Variants in UBXN7 observed in about 807,000 individuals in gnomAD.
The protein encoded by UBXN7 is UBX domain-containing protein 7.
UBXN7 carries 9 observed loss-of-function variants against 58.0 expected under a neutral mutation model. That is an observed-to-expected ratio of 0.16 (90% CI 0.09 to 0.27). The LOEUF (loss-of-function observed/expected upper bound fraction) is 0.27, where lower values mean the gene tolerates loss of function less well. Among genes scored for constraint, UBXN7 ranks in the 10% least tolerant of loss-of-function variants. The pLI, the probability that UBXN7 is intolerant of heterozygous loss-of-function variation, is 1.00. For missense variants in UBXN7, 328 were observed against 599.6 expected (o/e 0.55, Z 4.73); for synonymous variants, 208 against 205.0 (o/e 1.01, Z -0.12).
rs1207538357 is a variant in UBXN7, at chr3:196,355,069, T to C, written c.*1616A>G. ...AACTGTGTACTAGCAACACATGGCA[T>C]CTTTTTTTCTTCTTTTCCCAAATCC... On this transcript the variant is annotated 3_prime_UTR_variant, in exon 11 of 11. Transcript: ENST00000296328. 6.6e-6 allele frequency: 1 copy of C among 152,106 alleles called. No homozygotes were observed. The highest frequency in any genetic ancestry group is 6.6e-5 in the Admixed American group (1 of 15,262). 9.4% of individuals were successfully genotyped at this position (152,106 alleles called of 1,614,324 possible). A position where few individuals can be genotyped will look rare whatever the true frequency, so the allele number is the denominator to read the frequency against.
At chr3:196,429,326 C>CA (rs528881094) in intron 1 of UBXN7, among the ~76,000 whole-genome samples, 1,998 of 98,170 alleles carry the variant, frequency 0.02, 18 homozygotes, top group African/African-American at 0.049. Flanking sequence ...GACTCCGTCT[C>CA]AAAAAAAAAA....
chr3:196,351,967 G>A lies in UBXN7; in HGVS notation c.*4718C>T, dbSNP rs1728226358. On this transcript the variant is annotated 3_prime_UTR_variant, in exon 11 of 11. Transcript: ENST00000296328. ...CGCAAGCTAGGAATCTTTACTCCAG[G>A]GATCAATAATCCTTTCCTACTTGGG... 6.6e-6 allele frequency: 1 copy of A among 152,136 alleles called. No individual in the cohort carries two copies. The highest frequency in any genetic ancestry group is 1.5e-5 in the Non-Finnish European group (1 of 68,028). 9.4% of individuals were successfully genotyped at this position (152,136 alleles called of 1,614,324 possible). A position where few individuals can be genotyped will look rare whatever the true frequency, so the allele number is the denominator to read the frequency against.
rs1046775295 is a variant in UBXN7 at position 196,350,967 on chromosome 3, C to A, written c.*5718G>T. The A allele has an allele frequency of 1.3e-5, 2 of 152,164 alleles. No homozygotes were observed. Among genetic ancestry groups the A allele is most frequent in the Non-Finnish European group, 2.9e-5 (2 of 68,044 alleles). 9.4% of individuals were successfully genotyped at this position (152,164 alleles called of 1,614,324 possible). ...AAGGCTGGTATTACCGGAAAACTGC[C>A]ATGTTCACCAGAAGAGCTGTCTCTT... On this transcript the variant is annotated 3_prime_UTR_variant, in exon 11 of 11. Coordinates refer to ENST00000296328, the MANE Select transcript of UBXN7 (RefSeq NM_015562.2).
chr3:196,388,719 T>C (rs1205428985), intron 5 of UBXN7, among the ~76,000 whole-genome samples: 1 of 152,196 alleles, frequency 6.6e-6, no homozygotes, highest in Admixed American at 6.5e-5. Context: ...AACAAACCTA[T>C]GGGCCCTCCT....
At position 196,349,854 on chromosome 3, in the gene UBXN7, T is replaced by C. The variant is rs1229366295; in HGVS notation, c.*6831A>G. 1 of 152,244 alleles carries C rather than the reference T, an allele frequency of 6.6e-6. No individual in the cohort carries two copies. Among genetic ancestry groups the C allele is most frequent in the East Asian group, 1.9e-4 (1 of 5,206 alleles). The allele number at this position is 152,244 out of a possible 1,614,324, so 9.4% of individuals were successfully genotyped here. ...ATGCTAACCCAGTTAGATTAATAAC[T>C]TCTTTTGATGAGAAAAAATATTACT... On this transcript the variant is annotated 3_prime_UTR_variant, in exon 11 of 11. Coordinates refer to ENST00000296328, the MANE Select transcript of UBXN7 (RefSeq NM_015562.2).
In UBXN7 at chr3:196,349,294, C is replaced by T. The variant is rs544029924; in HGVS notation, c.*7391G>A. On this transcript the variant is annotated 3_prime_UTR_variant, in exon 11 of 11. Coordinates refer to ENST00000296328, the MANE Select transcript of UBXN7 (RefSeq NM_015562.2). The stretch of plus-strand genomic sequence containing the variant: ...CAGCCCCTACTAGAAGCTTGCTACT[C>T]GTTAACTGAAAAGTGGAGGCCACGC... 1.3e-5 allele frequency: 2 copies of T among 152,268 alleles called. No homozygotes were observed. Among genetic ancestry groups the T allele is most frequent in the East Asian group, 1.9e-4 (1 of 5,188 alleles). The allele number at this position is 152,268 out of a possible 1,614,324, so 9.4% of individuals were successfully genotyped here. A position where few individuals can be genotyped will look rare whatever the true frequency, so the allele number is the denominator to read the frequency against.
chr3:196,370,705 T>C (rs949131904), intron 6 of UBXN7, among the ~76,000 whole-genome samples: 2 of 151,796 alleles, frequency 1.3e-5, no homozygotes, highest in Non-Finnish European at 2.9e-5. Context: ...TTTTATTTTC[T>C]ATAACTTTTC....
chr3:196,410,553 G>C (rs1309130527), intron 1 of UBXN7, among the ~76,000 whole-genome samples: 1 of 152,206 alleles, frequency 6.6e-6, no homozygotes, highest in East Asian at 1.9e-4. Flanking sequence ...GCCAGGCACG[G>C]AGGCTCACGC....
intron 1 of UBXN7, among the ~76,000 whole-genome samples, chr3:196,415,367 T>C (rs1469740431): frequency 6.7e-6 from 1 of 150,312 alleles, no homozygotes; most frequent in Non-Finnish European, 1.5e-5. Context: ...TTGGCTAGGA[T>C]GGTCTCGATC....
At chr3:196,400,636 A>G in intron 3 of UBXN7, 1 of 250,830 alleles carries the variant, frequency 4.0e-6, no homozygotes, top group South Asian at 3.5e-5. Flanking sequence ...CACCTATAGA[A>G]GGCTGAGGTG....
In UBXN7 at chr3:196,401,296, T is replaced by TACAC. The variant is rs1335891909; in HGVS notation, c.289+1655_289+1656insGTGT. ...AAAAATATATATATATATATATATA[T>TACAC]ATACACACACACACACACACACACA... On this transcript the variant is annotated intron_variant, in intron 3 of 10. Transcript: ENST00000296328. Among the ~76,000 whole-genome samples the TACAC allele has an allele frequency of 3.2e-3, 244 of 77,336 alleles. 1 individual carries two copies. The highest frequency in any genetic ancestry group is 9.1e-3 in the Middle Eastern group (1 of 110). 50.7% of individuals were successfully genotyped at this position (77,336 alleles called of 152,430 possible).
intron 8 of UBXN7, among the ~76,000 whole-genome samples, chr3:196,365,858 T>C (rs1456181889): frequency 2.6e-5 from 4 of 152,092 alleles, no homozygotes; most frequent in East Asian, 1.9e-4. Flanking sequence ...AAAAAAACTC[T>C]AGGCCCATGT....
At chr3:196,382,284 C>T (rs1729231690) in intron 5 of UBXN7, among the ~76,000 whole-genome samples, 1 of 152,212 alleles carries the variant, frequency 6.6e-6, no homozygotes, top group Admixed American at 6.5e-5. Flanking sequence ...AGACTAACAG[C>T]AGATATCTCT....
At chr3:196,410,689 G>A (rs1036838081) in intron 1 of UBXN7, among the ~76,000 whole-genome samples, 13 of 152,248 alleles carry the variant, frequency 8.5e-5, no homozygotes, top group African/African-American at 3.1e-4. Context: ...AAGCATGTGA[G>A]CACACACCTG....
intron 3 of UBXN7, chr3:196,400,698 T>A: frequency 2.8e-6 from 1 of 350,954 alleles, no homozygotes; most frequent in South Asian, 2.1e-5. Flanking sequence ...AAGGATTGTA[T>A]CACTGCACTC....
intron 2 of UBXN7, among the ~76,000 whole-genome samples, chr3:196,405,833 A>G (rs1020126547): frequency 1.3e-5 from 2 of 152,212 alleles, no homozygotes; most frequent in Non-Finnish European, 2.9e-5. Context: ...ATGTTAATCA[A>G]TTAGCAATAC....
At chr3:196,365,742 C>T (rs969914398) in intron 8 of UBXN7, among the ~76,000 whole-genome samples, 2 of 152,042 alleles carry the variant, frequency 1.3e-5, no homozygotes, top group East Asian at 3.9e-4. Flanking sequence ...ATGAACAAAT[C>T]CCTAGAAAGA....
intron 2 of UBXN7, among the ~76,000 whole-genome samples, chr3:196,404,749 T>C (rs1730107150): frequency 6.6e-6 from 1 of 152,174 alleles, no homozygotes; most frequent in Non-Finnish European, 1.5e-5. Context: ...AAAAGGATAA[T>C]TCAAAATTAT....
intron 1 of UBXN7, among the ~76,000 whole-genome samples, chr3:196,411,659 A>G (rs1730328608): frequency 6.6e-6 from 1 of 152,148 alleles, no homozygotes; most frequent in African/African-American, 2.4e-5. Flanking sequence ...AAAAATATGA[A>G]AATTAGCCGG....
Sources: allele counts gnomAD v4.1 joint callset (sites outside exome capture counted in the v4.1 genomes callset), GRCh38; gene constraint gnomAD v4.1.1; transcripts MANE v1.5; gene names NCBI Gene and HGNC (gene_info 2026-07-23, HGNC 2026-07-21).